Variants in ARL5B observed in about 807,000 individuals in gnomAD.
The protein encoded by ARL5B is ADP-ribosylation factor-like protein 5B.
Under a neutral mutation model 26.9 loss-of-function variants are expected in ARL5B, and 10 were observed. The observed-to-expected ratio is 0.37, with a 90% CI of 0.23 to 0.63. ARL5B has a LOEUF of 0.63. Ranked by LOEUF, ARL5B falls within the 30% of genes least tolerant of loss-of-function variation. The pLI is 0.62. For missense variants in ARL5B, 167 were observed against 213.9 expected, an observed-to-expected ratio of 0.78 and a Z score of 1.37; for synonymous variants, 87 against 70.4, an observed-to-expected ratio of 1.24 and a Z score of -1.18.
At chr10:18,660,088 C>T (rs1233866388) in intron 1 of ARL5B, among the ~76,000 whole-genome samples, 8 of 151,532 alleles carry the variant, frequency 5.3e-5, no homozygotes, top group African/African-American at 1.7e-4. Context: ...AATGTAGGTG[C>T]TTTGTTTTCC....
At chr10:18,662,956 G>A (rs2059843670) in intron 1 of ARL5B, among the ~76,000 whole-genome samples, 1 of 151,694 alleles carries the variant, frequency 6.6e-6, no homozygotes, top group African/African-American at 2.4e-5. Context: ...GCCCGCCTTG[G>A]CCTCCCAAAG....
At chr10:18,659,712 C>G (rs986008828) in intron 1 of ARL5B, 29 bp downstream of exon 1, 40 of 1,605,688 alleles carry the variant, frequency 2.5e-5, no homozygotes, top group Non-Finnish European at 3.2e-5. Flanking sequence ...CGCGGCGGCT[C>G]GAATCCGAGG....
chr10:18,671,108 C>G (rs1379410206), intron 3 of ARL5B, among the ~76,000 whole-genome samples: 1 of 152,194 alleles, frequency 6.6e-6, no homozygotes, highest in Non-Finnish European at 1.5e-5. Flanking sequence ...ACGCGACATT[C>G]TTTCCGTTTA....
At chr10:18,668,440 A>C in intron 2 of ARL5B, 90 bp from the exon 3 acceptor site, 1 of 1,390,072 alleles carries the variant, frequency 7.2e-7, no homozygotes, top group Non-Finnish European at 9.9e-7. Context: ...ATTGGTGCAG[A>C]AGGTTGATTG....
At chr10:18,666,503 A>G (rs2059861765) in intron 1 of ARL5B, 72 bp from the exon 2 acceptor site, 1 of 1,242,760 alleles carries the variant, frequency 8.0e-7, no homozygotes. Context: ...CTAACTAATA[A>G]TCATTGTTGA....
rs2059816241 is a variant in ARL5B, at chr10:18,659,532, T to C, written c.-106T>C. 4.3e-6 allele frequency: 6 copies of C among 1,399,266 alleles called. No individual in the cohort carries two copies. Among genetic ancestry groups the C allele is most frequent in the Non-Finnish European group, 5.7e-6 (6 of 1,059,446 alleles). The allele number at this position is 1,399,266 out of a possible 1,614,324, so 86.7% of individuals were successfully genotyped here. On this transcript the variant is annotated 5_prime_UTR_variant, in exon 1 of 6. Transcript: ENST00000377275. ...GCCTAGCAGTGCCCTCGCTGCGCGA[T>C]CTCAGGCGGGTTCTCCTCGGCTCCG...
At chr10:18,673,067 T>G (rs1209435676) in intron 4 of ARL5B, among the ~76,000 whole-genome samples, 1 of 151,730 alleles carries the variant, frequency 6.6e-6, no homozygotes, top group Non-Finnish European at 1.5e-5. Flanking sequence ...TTTGTTTTTG[T>G]TTTTGTTTTT....
rs1239358644 is a variant in ARL5B at position 18,678,479 on chromosome 10, A to C, written c.*3263A>C. ...GGGGTCACAAAGAAAATTTTAAAGA[A>C]TATAGAAGCTTTTTTAAAAAATCTT... On this transcript the variant is annotated 3_prime_UTR_variant, in exon 6 of 6. Transcript: ENST00000377275. The C allele has an allele frequency of 2.0e-5, 3 of 151,972 alleles. No homozygotes were observed. The highest frequency in any genetic ancestry group is 2.9e-5 in the Non-Finnish European group (2 of 67,822). 9.4% of individuals were successfully genotyped at this position (151,972 alleles called of 1,614,324 possible). A position where few individuals can be genotyped will look rare whatever the true frequency, so the allele number is the denominator to read the frequency against.
At position 18,681,025 on chromosome 10, in the gene ARL5B, G is replaced by A. The variant is rs1473106918; in HGVS notation, c.*5809G>A. On this transcript the variant is annotated 3_prime_UTR_variant, in exon 6 of 6. Transcript: ENST00000377275. ...ATTTCTTAAGATTTAAATACAAACT[G>A]TTGTTACTCCTTAAGCTTCAGGCTT... is the stretch of plus-strand genomic sequence containing the variant. 2 of 152,082 alleles carry A rather than the reference G, an allele frequency of 1.3e-5. No individual in the cohort carries two copies. The highest frequency in any genetic ancestry group is 2.9e-5 in the Non-Finnish European group (2 of 67,996). The allele number at this position is 152,082 out of a possible 1,614,324, so 9.4% of individuals were successfully genotyped here.
chr10:18,663,845 G>A (rs1254067253), intron 1 of ARL5B, among the ~76,000 whole-genome samples: 3 of 150,976 alleles, frequency 2.0e-5, no homozygotes, highest in Non-Finnish European at 4.4e-5. Context: ...ACTGCGCCCG[G>A]CCCCAGCTTA....
intron 1 of ARL5B, 87 bp downstream of exon 1, chr10:18,659,770 G>A: frequency 6.4e-7 from 1 of 1,567,894 alleles, no homozygotes; most frequent in Non-Finnish European, 8.6e-7. Context: ...GGGACAGAGC[G>A]TTCGGAGACG....
Position 18,677,296 on chromosome 10 carries a change from A to G in ARL5B, c.*2080A>G, listed in dbSNP as rs571531515. On this transcript the variant is annotated 3_prime_UTR_variant, in exon 6 of 6. Transcript: ENST00000377275. ...ATATTACCACATCAGCATTATATTAAAAGTGTTTTTAATAGTTGATTGTAT... is the reference window on the plus strand; with the variant it reads ...ATATTACCACATCAGCATTATATTAGAAGTGTTTTTAATAGTTGATTGTAT... The G allele has an allele frequency of 6.6e-6, 1 of 152,312 alleles. No individual in the cohort carries two copies. Among genetic ancestry groups the G allele is most frequent in the African/African-American group, 2.4e-5 (1 of 41,510 alleles). 9.4% of individuals were successfully genotyped at this position (152,312 alleles called of 1,614,324 possible).
At chr10:18,659,981 G>C (rs923449319) in intron 1 of ARL5B, 2 of 975,668 alleles carry the variant, frequency 2.0e-6, no homozygotes, top group Middle Eastern at 5.3e-4. Flanking sequence ...GAGGCGTATG[G>C]AGGGCCTTTC....
intron 3 of ARL5B, 79 bp downstream of exon 3, chr10:18,668,756 G>T (rs190045033): frequency 7.3e-7 from 1 of 1,375,546 alleles, no homozygotes; most frequent in Non-Finnish European, 9.7e-7. Context: ...GCACCTGGGC[G>T]TATTGACAGT....
chr10:18,663,527 C>G (rs953570932), intron 1 of ARL5B, among the ~76,000 whole-genome samples: 7 of 148,280 alleles, frequency 4.7e-5, no homozygotes, highest in Non-Finnish European at 8.9e-5. Context: ...TCACATTTCT[C>G]TCTTTAGCTT....
chr10:18,678,558 T>G lies in ARL5B; in HGVS notation c.*3342T>G, dbSNP rs936831547. The G allele has an allele frequency of 6.6e-6, 1 of 151,850 alleles. No individual in the cohort carries two copies. Among genetic ancestry groups the G allele is most frequent in the African/African-American group, 2.4e-5 (1 of 41,418 alleles). 9.4% of individuals were successfully genotyped at this position (151,850 alleles called of 1,614,324 possible). ...AAACATAATCATTCTGAATAATCAA[T>G]TTTTATTTAGTCCTTAACTATGTAA... On this transcript the variant is annotated 3_prime_UTR_variant, in exon 6 of 6. Coordinates refer to ENST00000377275, the MANE Select transcript of ARL5B (RefSeq NM_178815.5).
At chr10:18,666,746 T>A (rs2059862992) in intron 2 of ARL5B, 111 bp downstream of exon 2, 2 of 869,780 alleles carry the variant, frequency 2.3e-6, no homozygotes, top group Non-Finnish European at 3.3e-6. Flanking sequence ...TATATGTTTT[T>A]TGTTTTTTGT....
chr10:18,662,461 G>A (rs940250195), intron 1 of ARL5B, among the ~76,000 whole-genome samples: 5 of 152,182 alleles, frequency 3.3e-5, no homozygotes, highest in African/African-American at 7.2e-5. Flanking sequence ...TGAACTGGAA[G>A]CCTGTTTACT....
In ARL5B at chr10:18,666,353, A is replaced by T. The variant is rs78636182; in HGVS notation, c.47-222A>T. Among the ~76,000 whole-genome samples the T allele has an allele frequency of 0.027, 4,111 of 152,314 alleles. 183 individuals are homozygous for T. Among genetic ancestry groups the T allele is most frequent in the African/African-American group, 0.093 (3,857 of 41,550 alleles). On this transcript the variant is annotated intron_variant, in intron 1 of 5. Coordinates refer to ENST00000377275, the MANE Select transcript of ARL5B (RefSeq NM_178815.5). ...TGTTTCCTGCCTACCCATCTCCCACATTCTTTTACATGAGAACTAGACAGA... is the reference window on the plus strand; with the variant it reads ...TGTTTCCTGCCTACCCATCTCCCACTTTCTTTTACATGAGAACTAGACAGA...
Sources: gnomAD v4.1 joint callset for allele counts (sites outside exome capture counted in the v4.1 genomes callset) on GRCh38, gnomAD v4.1.1 for gene constraint, MANE v1.5 for transcripts, NCBI Gene and HGNC (gene_info 2026-07-23, HGNC 2026-07-21) for gene names.